Variants in LRCH2 observed in about 807,000 individuals in gnomAD.
The protein encoded by LRCH2 is leucine-rich repeat and calponin homology domain-containing protein 2.
A neutral mutation model predicts 68.9 loss-of-function variants in LRCH2; 38 were observed. The ratio of observed to expected loss-of-function variants is 0.55; its 90% CI spans 0.43 to 0.72. The LOEUF (loss-of-function observed/expected upper bound fraction) is 0.72, where lower values mean the gene tolerates loss of function less well. LRCH2 is among the 30% of genes least tolerant of loss of function. The pLI is 0.00. For synonymous variants in LRCH2, 191 were observed against 208.1 expected, an observed-to-expected ratio of 0.92 and a Z score of 0.71; for missense variants, 528 against 572.9, an observed-to-expected ratio of 0.92 and a Z score of 0.80.
Position 115,194,378 on chromosome X carries a change from G to C in LRCH2, c.350-6008C>G, listed in dbSNP as rs181473397. On this transcript the variant is annotated intron_variant, in intron 1 of 20. Transcript: ENST00000317135. ...CCTCTGGATACCCAAGCATCACACA[G>C]TTCTATTGGGGAAGAAAGTGAAGTC... Among the ~76,000 whole-genome samples the C allele has an allele frequency of 1.9e-4, 21 of 111,968 alleles. 1 individual carries two copies. The Admixed American group carries it at 2.0e-3, about 11-fold the overall frequency.
At position 115,214,188 on chromosome X, in the gene LRCH2, T is replaced by A. The variant is rs7058472; in HGVS notation, c.349+19505A>T. Among the ~76,000 whole-genome samples, 609 of 112,189 alleles carry A rather than the reference T, an allele frequency of 5.4e-3. 6 individuals carry two copies. Among genetic ancestry groups the A allele is most frequent in the African/African-American group, 0.019 (586 of 30,963 alleles). On this transcript the variant is annotated intron_variant, in intron 1 of 20. Coordinates refer to ENST00000317135, the MANE Select transcript of LRCH2 (RefSeq NM_020871.4). Reference sequence around the variant, plus strand: ...CAGTATGTAAAATCTGATTAATATGTTCTCAAATGTTAGCAATTCCTCATC... The same window carrying A: ...CAGTATGTAAAATCTGATTAATATGATCTCAAATGTTAGCAATTCCTCATC...
At chrX:115,190,443 C>A (rs1556557219) in intron 1 of LRCH2, 1 of 1,166,999 alleles carries the variant, frequency 8.6e-7, no homozygotes, top group South Asian at 1.9e-5. Flanking sequence ...AGTACCAGGG[C>A]AACTCGCCCG....
chrX:115,184,943 T>C (rs1378998957), intron 2 of LRCH2, among the ~76,000 whole-genome samples: 1 of 111,931 alleles, frequency 8.9e-6, no homozygotes, highest in Non-Finnish European at 1.9e-5. Flanking sequence ...TGCTCCTTGA[T>C]ATAATTCTGG....
intron 11 of LRCH2, among the ~76,000 whole-genome samples, chrX:115,161,119 G>A: frequency 1.1e-5 from 1 of 92,736 alleles, no homozygotes; most frequent in South Asian, 4.3e-4. Flanking sequence ...TTGGAAGGCC[G>A]AGGCGGGTGG....
At chrX:115,126,527 T>C (rs1556528119) in intron 16 of LRCH2, 1 of 151,835 alleles carries the variant, frequency 6.6e-6, no homozygotes, top group East Asian at 1.5e-4. Context: ...TGAGAAAGCA[T>C]AGATTTGATA....
At chrX:115,147,410 A>ACTGACAT (rs2072395048) in intron 14 of LRCH2, among the ~76,000 whole-genome samples, 1 of 111,304 alleles carries the variant, frequency 9.0e-6, no homozygotes, top group African/African-American at 3.3e-5. Context: ...ATGTCCTAAT[A>ACTGACAT]CTGACATCTT....
At chrX:115,198,590 C>T (rs183866141) in intron 1 of LRCH2, 10 of 156,306 alleles carry the variant, frequency 6.4e-5, no homozygotes, top group African/African-American at 2.5e-4. Flanking sequence ...TCACCCCATA[C>T]GAGCGGTGCA....
chrX:115,205,999 GA>G (rs2072964302), intron 1 of LRCH2, among the ~76,000 whole-genome samples: 2 of 111,043 alleles, frequency 1.8e-5, no homozygotes, highest in Non-Finnish European at 3.8e-5. Context: ...AAAAGGGACA[GA>G]AAAATATACT....
chrX:115,179,165 G>A (rs1556551696), intron 5 of LRCH2, among the ~76,000 whole-genome samples: 1 of 111,917 alleles, frequency 8.9e-6, no homozygotes. Context: ...AGAGACTTCA[G>A]AGTCACTTTT....
At chrX:115,132,853 T>C in intron 14 of LRCH2, among the ~76,000 whole-genome samples, 1 of 112,170 alleles carries the variant, frequency 8.9e-6, no homozygotes, top group Middle Eastern at 4.6e-3. Flanking sequence ...ATTTACTAAG[T>C]GGTTACTCTG....
chrX:115,115,614 G>C (rs1200575833), intron 20 of LRCH2, among the ~76,000 whole-genome samples: 2 of 110,486 alleles, frequency 1.8e-5, no homozygotes, highest in Admixed American at 9.7e-5. Context: ...AGAAAACACA[G>C]GTGTAAATCT....
chrX:115,177,046 CTTTTTTTTTTTTT>C (rs35686915), intron 5 of LRCH2, among the ~76,000 whole-genome samples: 4 of 66,661 alleles, frequency 6.0e-5, no homozygotes, highest in Non-Finnish European at 1.1e-4. Context: ...CGCACCCAGC[CTTTTTTTTTTTTT>C]TTTTTTTTTT....
intron 20 of LRCH2, among the ~76,000 whole-genome samples, chrX:115,121,026 TG>T (rs1402056683): frequency 5.2e-5 from 1 of 19,398 alleles, no homozygotes; most frequent in East Asian, 1.4e-3. Flanking sequence ...TGTTGTGGGG[TG>T]GGGGGAGGCG....
In LRCH2 at chrX:115,113,298, C is replaced by T. The variant is rs1178383535; in HGVS notation, c.2216G>A (p.Arg739Gln). The T allele has an allele frequency of 2.5e-6, 3 of 1,192,338 alleles. No individual in the cohort carries two copies. The highest frequency in any genetic ancestry group is 3.4e-6 in the Non-Finnish European group (3 of 884,716). ...TGTGACACCAACTTTCACAAGTCCT[C>T]GTTCTTCCAAAATATGATGAGGCAA... The part of the protein sequence containing the change: ...LCLPHHILEE[R>Q]GLVKVGVTVQ... Residue 739 changes from arginine to glutamine, a missense_variant, in exon 21 of 21, where the codon CGA becomes CAA. Physicochemically the swap from Arg to Gln is conservative, Grantham distance 43 (BLOSUM62 1). Coordinates refer to ENST00000317135, the MANE Select transcript of LRCH2 (RefSeq NM_020871.4).
intron 1 of LRCH2, chrX:115,191,318 G>A (rs782675307): frequency 5.2e-6 from 6 of 1,156,626 alleles, no homozygotes; most frequent in Admixed American, 5.3e-5. Flanking sequence ...CGCTACGGAG[G>A]AGGAGGCCGC....
intron 1 of LRCH2, among the ~76,000 whole-genome samples, chrX:115,195,271 G>A (rs2072879060): frequency 1.9e-5 from 2 of 107,171 alleles, no homozygotes; most frequent in Admixed American, 1.0e-4. Flanking sequence ...GTGACAGAGT[G>A]AGACTCCATC....
At chrX:115,191,912 ACT>A in intron 1 of LRCH2, 3 of 1,136,529 alleles carry the variant, frequency 2.6e-6, no homozygotes, top group African/African-American at 2.1e-5. Context: ...AACCGAGGTC[ACT>A]CTCTCGATGC....
chrX:115,192,216 C>T lies in LRCH2; in HGVS notation c.350-3846G>A, dbSNP rs782817269. The T allele has an allele frequency of 6.9e-6, 8 of 1,162,724 alleles. No homozygotes were observed. The South Asian group carries it at 7.6e-5, about 11-fold the overall frequency. ...AAGGCCGCTCGCCCAATGCCTACGG[C>T]GGGGGCCGCGGCCTCAACAGTTCCA... On this transcript the variant is annotated intron_variant, in intron 1 of 20. Transcript: ENST00000317135.
At chrX:115,163,256 A>AG (rs782133813) in intron 11 of LRCH2, among the ~76,000 whole-genome samples, 176 of 111,716 alleles carry the variant, frequency 1.6e-3, no homozygotes, top group Non-Finnish European at 2.5e-3. Flanking sequence ...ACATGTACCT[A>AG]GAAAAAAAAT....
Sources: gnomAD v4.1 joint callset for allele counts (sites outside exome capture counted in the v4.1 genomes callset) on GRCh38, gnomAD v4.1.1 for gene constraint, MANE v1.5 for transcripts, NCBI Gene and HGNC (gene_info 2026-07-23, HGNC 2026-07-21) for gene names.